Variants in CADPS observed in about 807,000 individuals in gnomAD.
The protein encoded by CADPS is calcium dependent secretion activator.
A neutral mutation model predicts 167.3 loss-of-function variants in CADPS; 57 were observed. The observed-to-expected ratio is 0.34, with a 90% CI of 0.28 to 0.42. The LOEUF (loss-of-function observed/expected upper bound fraction) is 0.42, where lower values mean the gene tolerates loss of function less well. Ranked by LOEUF, CADPS falls within the 20% of genes least tolerant of loss-of-function variation. The probability of loss-of-function intolerance (pLI) is 1.00; values close to 1 mark genes in which losing one functional copy is unlikely to be tolerated. For missense variants in CADPS, 1,414 were observed against 1,738.1 expected, an observed-to-expected ratio of 0.81 and a Z score of 3.32; for synonymous variants, 676 against 635.3, an observed-to-expected ratio of 1.06 and a Z score of -0.96.
rs1464238485 is a variant in CADPS at position 62,438,807 on chromosome 3, C to T, written c.3670-596G>A. On this transcript the variant is annotated intron_variant, in intron 27 of 29. Coordinates refer to ENST00000383710, the MANE Select transcript of CADPS (RefSeq NM_003716.4). The surrounding 1 kb of genome is among the most constrained non-coding windows in gnomAD (Gnocchi z 4.7). ...GTATTTGCTAATTAATTAGTTCACTCAGAGGAGACACTAAACCATTTGTCT... is the reference window on the plus strand; with the variant it reads ...GTATTTGCTAATTAATTAGTTCACTTAGAGGAGACACTAAACCATTTGTCT... The T allele has an allele frequency of 6.6e-6, 1 of 151,184 alleles. No homozygotes were observed. The highest frequency in any genetic ancestry group is 2.4e-5 in the African/African-American group (1 of 41,060). The allele number at this position is 151,184 out of a possible 1,614,324, so 9.4% of individuals were successfully genotyped here.
chr3:62,742,662 C>G (rs1483570605), intron 3 of CADPS, among the ~76,000 whole-genome samples: 1 of 152,064 alleles, frequency 6.6e-6, no homozygotes, highest in Non-Finnish European at 1.5e-5. Flanking sequence ...AAACTCAAAA[C>G]TATAAAAACC....
intron 1 of CADPS, among the ~76,000 whole-genome samples, chr3:62,770,271 A>G (rs1025593041): frequency 3.3e-5 from 5 of 152,212 alleles, no homozygotes; most frequent in Admixed American, 2.6e-4. Flanking sequence ...GTTCTCCCAG[A>G]TAATCTCTGT....
chr3:62,800,067 AC>A (rs1209611000), intron 1 of CADPS, among the ~76,000 whole-genome samples: 1 of 152,126 alleles, frequency 6.6e-6, no homozygotes, highest in Admixed American at 6.6e-5. Flanking sequence ...ACATAGACCC[AC>A]ACTGTTTGTG....
chr3:62,772,337 T>C (rs1195429266), intron 1 of CADPS, among the ~76,000 whole-genome samples: 1 of 152,224 alleles, frequency 6.6e-6, no homozygotes, highest in African/African-American at 2.4e-5. Flanking sequence ...CTTGCTATTA[T>C]GGGTGGCCAT....
chr3:62,578,187 C>T (rs1426186441), intron 8 of CADPS, among the ~76,000 whole-genome samples: 4 of 142,634 alleles, frequency 2.8e-5, no homozygotes, highest in Non-Finnish European at 6.0e-5. Context: ...CATGCTAACA[C>T]TTTTTTTTTT....
intron 1 of CADPS, among the ~76,000 whole-genome samples, chr3:62,833,326 A>G (rs1193881559): frequency 6.6e-6 from 1 of 151,740 alleles, no homozygotes; most frequent in Non-Finnish European, 1.5e-5. Flanking sequence ...TATTTTTTAA[A>G]AAAATTGTAA....
At position 62,405,225 on chromosome 3, in the gene CADPS, C is replaced by T. The variant is rs3733118; in HGVS notation, c.3778-2040G>A. ...CCTCCTGGGATTGGAAGATGACCTT[C>T]GAGCAATCCTGGCAAACTCCTGGCC... On this transcript the variant is annotated intron_variant, in intron 28 of 29. Coordinates refer to ENST00000383710, the MANE Select transcript of CADPS (RefSeq NM_003716.4). 5.9e-4 allele frequency among the ~76,000 whole-genome samples: 89 copies of T among 151,492 alleles called. No individual in the cohort carries two copies. The East Asian group carries it at 0.013, about 21-fold the overall frequency.
intron 6 of CADPS, among the ~76,000 whole-genome samples, chr3:62,640,526 T>C (rs941366026): frequency 6.6e-5 from 10 of 152,194 alleles, no homozygotes; most frequent in Non-Finnish European, 1.0e-4. Flanking sequence ...TGAGATGTCA[T>C]TGAAGAACCC....
chr3:62,427,872 A>G (rs1476384708), intron 28 of CADPS, among the ~76,000 whole-genome samples: 1 of 152,238 alleles, frequency 6.6e-6, no homozygotes, highest in African/African-American at 2.4e-5. Context: ...TTTTCTAAAA[A>G]AAAAATCTTT....
At chr3:62,577,043 A>G (rs912441327) in intron 8 of CADPS, among the ~76,000 whole-genome samples, 1 of 151,968 alleles carries the variant, frequency 6.6e-6, no homozygotes, top group Admixed American at 6.6e-5. Flanking sequence ...GCGAGCTACA[A>G]AGGATTAAAA....
At chr3:62,832,226 T>C (rs957469693) in intron 1 of CADPS, among the ~76,000 whole-genome samples, 1 of 152,204 alleles carries the variant, frequency 6.6e-6, no homozygotes, top group East Asian at 1.9e-4. Flanking sequence ...GGCTTGGTAC[T>C]ACTAGTTTTA....
At chr3:62,741,648 C>G (rs2080278661) in intron 3 of CADPS, among the ~76,000 whole-genome samples, 1 of 152,124 alleles carries the variant, frequency 6.6e-6, no homozygotes, top group Non-Finnish European at 1.5e-5. Flanking sequence ...CTGTCTATGA[C>G]AAACCCACAG....
chr3:62,837,677 T>C (rs1446382747), intron 1 of CADPS, among the ~76,000 whole-genome samples: 1 of 152,182 alleles, frequency 6.6e-6, no homozygotes, highest in Non-Finnish European at 1.5e-5. Context: ...GCAATAGATA[T>C]CAACATTAGA....
chr3:62,779,326 T>C, intron 1 of CADPS: 2 of 399,062 alleles, frequency 5.0e-6, no homozygotes, highest in South Asian at 2.3e-5. Flanking sequence ...AGTGGTCATC[T>C]TTTTTTCTGG....
Position 62,834,717 on chromosome 3 carries a change from T to C in CADPS, c.441+39872A>G, listed in dbSNP as rs535143554. 1.3e-4 allele frequency among the ~76,000 whole-genome samples: 20 copies of C among 152,308 alleles called. No individual in the cohort carries two copies. The East Asian group carries it at 3.9e-3, about 29-fold the overall frequency. On this transcript the variant is annotated intron_variant, in intron 1 of 29. Coordinates refer to ENST00000383710, the MANE Select transcript of CADPS (RefSeq NM_003716.4). ...GTATTCAGTAGTATAAGTATTATTA[T>C]CATTATCAAATTTTATTTGCTCCTC...
chr3:62,658,090 C>G (rs1579811208), intron 4 of CADPS, among the ~76,000 whole-genome samples: 1 of 152,092 alleles, frequency 6.6e-6, no homozygotes, highest in African/African-American at 2.4e-5. Context: ...GAGTCCTGTC[C>G]TGGAGTAACT....
intron 7 of CADPS, among the ~76,000 whole-genome samples, chr3:62,586,289 C>G (rs1403900161): frequency 6.6e-6 from 1 of 152,150 alleles, no homozygotes; most frequent in Non-Finnish European, 1.5e-5. Flanking sequence ...TTTATTTTCT[C>G]TAGGTGCAAG....
chr3:62,546,490 G>A (rs888170673), intron 11 of CADPS, among the ~76,000 whole-genome samples: 1 of 151,986 alleles, frequency 6.6e-6, no homozygotes, highest in Non-Finnish European at 1.5e-5. Flanking sequence ...TAGTACTGAC[G>A]GTTTGAATTT....
intron 17 of CADPS, among the ~76,000 whole-genome samples, chr3:62,511,064 T>C (rs2067711749): frequency 6.6e-6 from 1 of 152,062 alleles, no homozygotes; most frequent in South Asian, 2.1e-4. Flanking sequence ...CGCCAACCCA[T>C]CCCTTTGCAT....
Sources: allele counts gnomAD v4.1 joint callset (sites outside exome capture counted in the v4.1 genomes callset), GRCh38; gene constraint gnomAD v4.1.1; non-coding constraint Gnocchi (gnomAD v3.1); transcripts MANE v1.5; gene names NCBI Gene and HGNC (gene_info 2026-07-23, HGNC 2026-07-21).